PLEKHH3: variants seen among roughly 807,000 people sequenced by gnomAD.
PLEKHH3 encodes pleckstrin homology, MyTH4 and FERM domain containing H3.
A neutral mutation model predicts 77.8 loss-of-function variants in PLEKHH3; 57 were observed. The observed-to-expected ratio is 0.73, with a 90% CI of 0.59 to 0.91. PLEKHH3 has a LOEUF of 0.91. Among genes scored for constraint, PLEKHH3 ranks in the 40% least tolerant of loss-of-function variants. The pLI, the probability that PLEKHH3 is intolerant of heterozygous loss-of-function variation, is 0.00. For synonymous variants in PLEKHH3, 467 were observed against 504.8 expected, an observed-to-expected ratio of 0.93 and a Z score of 1.00; for missense variants, 1,082 against 1,091.2, an observed-to-expected ratio of 0.99 and a Z score of 0.12.
At chr17:42,672,585 C>G (rs1462586848) in intron 6 of PLEKHH3, among the ~76,000 whole-genome samples, 193 bp from the exon 7 acceptor site, 1 of 152,060 alleles carries the variant, frequency 6.6e-6, no homozygotes, top group Non-Finnish European at 1.5e-5. Flanking sequence ...ACCTCTGCCT[C>G]CCAGGAATCC....
In PLEKHH3 at chr17:42,671,037, C is replaced by T. The variant is rs768237142; in HGVS notation, c.1378G>A (p.Ala460Thr). ...EQRGAQERAL[A>T]GGTLVADVLT... ...ACGTCGGCCACGAGGGTCCCCCCAG[C>T]CAGGGCTCGCTCCTGGGCCCCTCGC... Residue 460 changes from alanine to threonine, a missense_variant, in exon 9 of 13, where the codon GCT becomes ACT. Physicochemically the swap from Ala to Thr is moderately conservative, Grantham distance 58 (BLOSUM62 0). Transcript: ENST00000591022. This position sits in a 1 kb window ranked among gnomAD's most constrained non-coding sequence, Gnocchi z 4.7. The T allele has an allele frequency of 6.2e-7, 1 of 1,611,070 alleles. No homozygotes were observed. The highest frequency in any genetic ancestry group is 8.5e-7 in the Non-Finnish European group (1 of 1,179,198).
chr17:42,669,965 A>G lies in PLEKHH3; in HGVS notation c.1966T>C (p.Cys656Arg). The G allele has an allele frequency of 6.2e-7, 1 of 1,612,774 alleles. No individual in the cohort carries two copies. Among genetic ancestry groups the G allele is most frequent in the Non-Finnish European group, 8.5e-7 (1 of 1,179,802 alleles). Reference sequence around the variant, plus strand: ...TACCGAGCAGCGCCGAACCCCGGACACTGCGCCGCCAGGGCCAGGTAGGCG... The same window carrying G: ...TACCGAGCAGCGCCGAACCCCGGACGCTGCGCCGCCAGGGCCAGGTAGGCG... ...MAAYLALAAQ[C>R]PGFGAARYDV... is the part of the protein sequence containing the mutation. Residue 656 changes from cysteine to arginine, a missense_variant, in exon 11 of 13, where the codon TGT (cysteine) becomes CGT (arginine). By Grantham distance (180) the Cys-to-Arg change is radical. Coordinates refer to ENST00000591022, the MANE Select transcript of PLEKHH3 (RefSeq NM_024927.5).
intron 5 of PLEKHH3, 25 bp from the exon 6 acceptor site, chr17:42,673,321 C>T (rs777687741): frequency 6.2e-7 from 1 of 1,603,660 alleles, no homozygotes; most frequent in East Asian, 2.2e-5. Context: ...AGAGGGTCAC[C>T]TTGATGGGGA....
rs535486036 is a variant in PLEKHH3, at chr17:42,676,050, C to T, written c.162+352G>A. ...GACCCAGGCGTTCGAGCCGCCCAGCCGGCCTCGCCACATTCCTCGGCGCTG... is the reference window on the plus strand; with the variant it reads ...GACCCAGGCGTTCGAGCCGCCCAGCTGGCCTCGCCACATTCCTCGGCGCTG... On this transcript the variant is annotated intron_variant, in intron 1 of 12. Coordinates refer to ENST00000591022, the MANE Select transcript of PLEKHH3 (RefSeq NM_024927.5). The surrounding 1 kb of genome is among the most constrained non-coding windows in gnomAD (Gnocchi z 6.6). The T allele has an allele frequency of 8.8e-7, 1 of 1,140,782 alleles. No homozygotes were observed. Among genetic ancestry groups the T allele is most frequent in the East Asian group, 6.1e-5 (1 of 16,282 alleles). 70.7% of individuals were successfully genotyped at this position (1,140,782 alleles called of 1,614,324 possible).
At position 42,673,573 on chromosome 17, in the gene PLEKHH3, C is replaced by A. The variant is rs1179943908; in HGVS notation, c.491-17G>T. The A allele has an allele frequency of 1.3e-6, 2 of 1,586,458 alleles. No homozygotes were observed. The highest frequency in any genetic ancestry group is 1.7e-5 in the Admixed American group (1 of 58,052). ...ACCACAGACCTGGGGAAAAGAGAGG[C>A]CAGGGAGGGCCATTAGGGTCTGCCG... is the stretch of plus-strand genomic sequence containing the variant. On this transcript the variant is annotated splice_polypyrimidine_tract_variant and intron_variant, in intron 4 of 12. Transcript: ENST00000591022.
rs1372781886 is a variant in PLEKHH3, at chr17:42,672,219, G to A, written c.943C>T (p.Pro315Ser). The A allele has an allele frequency of 1.9e-6, 3 of 1,551,092 alleles. No homozygotes were observed. The African/African-American group carries it at 4.1e-5, about 21-fold the overall frequency. ...FLQLAKQTSGPAGPPGLPATQ... is the reference protein window; with the variant it reads ...FLQLAKQTSGSAGPPGLPATQ... ...GCCGGGAGCCCGGGGGGACCTGCAG[G>A]GCCCGAGGTCTGCTTAGCCAGCTGC... Residue 315 changes from proline to serine, a missense_variant, in exon 7 of 13, where the codon CCT becomes TCT. Around this residue, in one of 3 missense-constraint regions of PLEKHH3, gnomAD observed 733 missense variants for 750.0 expected, o/e 0.98. Coordinates refer to ENST00000591022, the MANE Select transcript of PLEKHH3 (RefSeq NM_024927.5).
chr17:42,674,330 A>G (rs777206668), intron 2 of PLEKHH3, 24 bp downstream of exon 2: 21 of 1,551,292 alleles, frequency 1.4e-5, no homozygotes, highest in Non-Finnish European at 1.7e-5. Flanking sequence ...TCGCCAGACT[A>G]TGGGACGTAG....
chr17:42,669,895 C>T (rs372027775), intron 11 of PLEKHH3, 23 bp downstream of exon 11: 302 of 1,612,426 alleles, frequency 1.9e-4, no homozygotes, highest in East Asian at 1.6e-3. Context: ...CGCCAGAGTC[C>T]CCTTCTCCCT....
intron 1 of PLEKHH3, among the ~76,000 whole-genome samples, chr17:42,675,306 G>A (rs758207074): frequency 4.6e-5 from 7 of 152,132 alleles, no homozygotes; most frequent in Non-Finnish European, 1.0e-4. Context: ...GGGAGTTGAG[G>A]TGGAGCATGA....
At position 42,671,548 on chromosome 17, in the gene PLEKHH3, C is replaced by T. The variant is rs1237201569; in HGVS notation, c.1087G>A (p.Ala363Thr). ...TCCGCCAGTTCCGAGTCCGGGAGTG[C>T]CTGCTCGGTCCTGGGTTAGGAGGAA... Reference protein sequence around the residue: ...LLGHLERTEQALPDSELAEYA... With the variant: ...LLGHLERTEQTLPDSELAEYA... The change falls in exon 8 of 13, where the codon GCA becomes ACA. Residue 363 changes from alanine to threonine, a missense_variant. By Grantham distance (58) the Ala-to-Thr change is moderately conservative (BLOSUM62 0). This residue lies in a region of PLEKHH3 where 733 missense variants were observed against 750.0 expected (regional missense o/e 0.98). Transcript: ENST00000591022. This position sits in a 1 kb window ranked among gnomAD's most constrained non-coding sequence, Gnocchi z 4.7. 1.9e-6 allele frequency: 3 copies of T among 1,608,806 alleles called. No individual in the cohort carries two copies. The African/African-American group carries it at 4.0e-5, about 21-fold the overall frequency.
intron 6 of PLEKHH3, among the ~76,000 whole-genome samples, chr17:42,672,631 G>A (rs1407332397): frequency 6.6e-6 from 1 of 152,146 alleles, no homozygotes; most frequent in African/African-American, 2.4e-5. Flanking sequence ...TTTGGACTTA[G>A]GGAGACGGAC....
Position 42,671,988 on chromosome 17 carries a change from G to A in PLEKHH3, c.1076+98C>T. 9.8e-6 allele frequency: 10 copies of A among 1,018,358 alleles called. No homozygotes were observed. The highest frequency in any genetic ancestry group is 1.4e-5 in the Non-Finnish European group (10 of 710,820). 63.1% of individuals were successfully genotyped at this position (1,018,358 alleles called of 1,614,324 possible). ...CACAAAGGCACTGTATGTATTACTC[G>A]GTTCTTTACCTACCAAGTCTTTTGC... On this transcript the variant is annotated intron_variant, in intron 7 of 12. Transcript: ENST00000591022. The surrounding 1 kb of genome is among the most constrained non-coding windows in gnomAD (Gnocchi z 4.7).
At chr17:42,674,111 G>A in intron 2 of PLEKHH3, 98 bp from the exon 3 acceptor site, 2 of 1,307,322 alleles carry the variant, frequency 1.5e-6, no homozygotes, top group Non-Finnish European at 1.1e-6. Flanking sequence ...CTCCCAAGCT[G>A]GGCACCCCTC....
Position 42,668,426 on chromosome 17 carries a change from A to T in PLEKHH3, c.2206-123T>A, listed in dbSNP as rs1597785155. The T allele has an allele frequency of 9.2e-6, 7 of 760,300 alleles. No homozygotes were observed. In the South Asian group the frequency reaches 1.5e-4, roughly 16 times the overall value. The allele number at this position is 760,300 out of a possible 1,614,324, so 47.1% of individuals were successfully genotyped here. On this transcript the variant is annotated intron_variant, in intron 12 of 12. Transcript: ENST00000591022. ...GGGTCCTACGTGCTCTGGCCCTGCA[A>T]CCTTTCCTTCCTTATCACCACTCTC... is the stretch of plus-strand genomic sequence containing the variant.
rs760630135 is a variant in PLEKHH3, at chr17:42,673,802, C to T, written c.331G>A (p.Ala111Thr). The change falls in exon 4 of 13, where the codon GCG becomes ACG. Residue 111 changes from alanine (A) to threonine (T), a missense_variant. Physicochemically the swap from Ala to Thr is moderately conservative, Grantham distance 58 (BLOSUM62 0). This residue lies in a region of PLEKHH3 where 344 missense variants were observed against 320.8 expected (regional missense o/e 1.07). Coordinates refer to ENST00000591022, the MANE Select transcript of PLEKHH3 (RefSeq NM_024927.5). ...WLYREPRGGG[A>T]RPWLPPRRAW... is the part of the protein sequence containing the mutation. ...CGGCGCGGGGGCAGCCAGGGCCGCG[C>T]CCCTCCTCCGCGGGGCTCCCGGTAC... 3 of 1,589,244 alleles carry T rather than the reference C, an allele frequency of 1.9e-6. No individual in the cohort carries two copies. Among genetic ancestry groups the T allele is most frequent in the South Asian group, 2.2e-5 (2 of 89,970 alleles).
At position 42,669,590 on chromosome 17, in the gene PLEKHH3, C is replaced by T. The variant is rs780495309; in HGVS notation, c.2045G>A (p.Cys682Tyr). 2 of 1,610,390 alleles carry T rather than the reference C, an allele frequency of 1.2e-6. No individual in the cohort carries two copies. ...EPGRGAPQKL[C>Y]LGLGAKAMSL... ...CATGGCCTTGGCTCCCAAGCCCAGG[C>T]ACAGCTTCTGTGGAGCACCCCGACC... Residue 682 changes from cysteine to tyrosine, a missense_variant, in exon 12 of 13, where the codon TGC (cysteine) becomes TAC (tyrosine). Coordinates refer to ENST00000591022, the MANE Select transcript of PLEKHH3 (RefSeq NM_024927.5).
Position 42,670,118 on chromosome 17 carries a change from G to GGGCCCGCTCCGCCCGCCTCTTGGCCA in PLEKHH3, c.1787_1812dup (p.Arg605TrpfsTer74). ...GCAGTGCGGCCGGCCCCGCCGCGCCGGGCCCGCTCCGCCCGCCTCTTGGCC... is the reference window on the plus strand; with the variant it reads ...GCAGTGCGGCCGGCCCCGCCGCGCCGGGCCCGCTCCGCCCGCCTCTTGGCCAGGCCCGCTCCGCCCGCCTCTTGGCC... On this transcript the variant is annotated frameshift_variant, in exon 11 of 13. Transcript: ENST00000591022. LOFTEE classifies it high-confidence loss of function. 1 of 1,255,676 alleles carries GGGCCCGCTCCGCCCGCCTCTTGGCCA rather than the reference G, an allele frequency of 8.0e-7. No homozygotes were observed. The highest frequency in any genetic ancestry group is 9.9e-7 in the Non-Finnish European group (1 of 1,006,328). The allele number at this position is 1,255,676 out of a possible 1,614,324, so 77.8% of individuals were successfully genotyped here. A position where few individuals can be genotyped will look rare whatever the true frequency, so the allele number is the denominator to read the frequency against.
At chr17:42,672,417 A>C in intron 6 of PLEKHH3, 25 bp from the exon 7 acceptor site, 1 of 1,484,812 alleles carries the variant, frequency 6.7e-7, no homozygotes, top group Non-Finnish European at 8.9e-7. Context: ...GGGCGGAGGG[A>C]CGGTTTGGAG....
chr17:42,675,565 GGCCCCGGCGGCGCAGCCC>G (rs1001626400), intron 1 of PLEKHH3, among the ~76,000 whole-genome samples: 6 of 152,124 alleles, frequency 3.9e-5, no homozygotes, highest in African/African-American at 7.2e-5. Context: ...TGCTGGCGCC[GGCCCCGGCGGCGCAGCCC>G]GCCCCACCCG....
Sources: allele counts gnomAD v4.1 joint callset (sites outside exome capture counted in the v4.1 genomes callset), GRCh38; gene constraint gnomAD v4.1.1; regional missense constraint gnomAD v4.1.1; non-coding constraint Gnocchi (gnomAD v3.1); transcripts MANE v1.5; gene names NCBI Gene and HGNC (gene_info 2026-07-23, HGNC 2026-07-21).